Variants in DLC1 observed in about 807,000 individuals in gnomAD.
DLC1 encodes rho GTPase-activating protein 7.
Under a neutral mutation model 140.3 loss-of-function variants are expected in DLC1, and 54 were observed. The ratio of observed to expected loss-of-function variants is 0.38; its 90% CI spans 0.31 to 0.48. The LOEUF (loss-of-function observed/expected upper bound fraction) is 0.48, where lower values mean the gene tolerates loss of function less well. Ranked by LOEUF, DLC1 falls within the 20% of genes least tolerant of loss-of-function variation. The probability of loss-of-function intolerance (pLI) is 0.96; values close to 1 mark genes in which losing one functional copy is unlikely to be tolerated. For missense variants in DLC1, 2,536 were observed against 1,907.0 expected, an observed-to-expected ratio of 1.33 and a Z score of -6.14; for synonymous variants, 986 against 728.1, an observed-to-expected ratio of 1.35 and a Z score of -5.70.
chr8:13,555,502 A>AT (rs1445375647), intron 1 of DLC1, among the ~76,000 whole-genome samples: 1 of 151,644 alleles, frequency 6.6e-6, no homozygotes, highest in Non-Finnish European at 1.5e-5. Context: ...TAAATTTTTT[A>AT]TTTTTTTGAG....
intron 5 of DLC1, among the ~76,000 whole-genome samples, chr8:13,174,970 G>A (rs900802989): frequency 6.6e-6 from 1 of 152,058 alleles, no homozygotes; most frequent in African/African-American, 2.4e-5. Flanking sequence ...TATTTCCTAG[G>A]TTTTCTTCTA....
At position 13,100,712 on chromosome 8, in the gene DLC1, C is replaced by G; in HGVS notation, c.1625G>C (p.Arg542Thr). 1 of 1,608,146 alleles carries G rather than the reference C, an allele frequency of 6.2e-7. No individual in the cohort carries two copies. Among genetic ancestry groups the G allele is most frequent in the Non-Finnish European group, 8.5e-7 (1 of 1,177,506 alleles). Residue 542 changes from arginine to threonine, a missense_variant, in exon 9 of 18, where the codon AGG (arginine) becomes ACG (threonine). Physicochemically the swap from Arg to Thr is moderately conservative, Grantham distance 71 (BLOSUM62 -1). Coordinates refer to ENST00000276297, the MANE Select transcript of DLC1 (RefSeq NM_182643.3). ...AAGCCGGGACCACCTCTTGCTGTCC[C>G]TTTGGAAAGTCCATTTGCCACTGAT... is the stretch of plus-strand genomic sequence containing the variant. ...CAISGKWTFQRDSKRWSRLEE... is the reference protein window; with the variant it reads ...CAISGKWTFQTDSKRWSRLEE...
Position 13,500,045 on chromosome 8 carries a change from G to C in DLC1, c.27C>G (p.Ser9Arg), listed in dbSNP as rs764783683. MSVAIRKR[S>R]WEEHVTHWMG... ...TCCAGTGGGTCACATGTTCTTCCCA[G>C]CTTCTCTTTCTGATAGCTACAGACA... is the stretch of plus-strand genomic sequence containing the variant. Residue 9 changes from serine to arginine, a missense_variant, in exon 2 of 18, where the codon AGC becomes AGG. Coordinates refer to ENST00000276297, the MANE Select transcript of DLC1 (RefSeq NM_182643.3). 2 of 1,613,848 alleles carry C rather than the reference G, an allele frequency of 1.2e-6. No individual in the cohort carries two copies. Among genetic ancestry groups the C allele is most frequent in the South Asian group, 1.1e-5 (1 of 91,076 alleles).
chr8:13,559,150 G>T (rs1331880612), intron 1 of DLC1: 1 of 152,222 alleles, frequency 6.6e-6, no homozygotes, highest in Non-Finnish European at 1.5e-5. Flanking sequence ...AAGAGTTCTG[G>T]TCAGTGCGAT....
At chr8:13,357,102 C>A (rs1484353087) in intron 4 of DLC1, among the ~76,000 whole-genome samples, 1 of 152,064 alleles carries the variant, frequency 6.6e-6, no homozygotes, top group African/African-American at 2.4e-5. Flanking sequence ...AACCCCATTT[C>A]TACTAAAAAT....
intron 1 of DLC1, among the ~76,000 whole-genome samples, chr8:13,592,294 G>C (rs1360267602): frequency 2.0e-5 from 3 of 151,984 alleles, no homozygotes; most frequent in Non-Finnish European, 4.4e-5. Context: ...TGAACTATAA[G>C]ATCTTACCAT....
At chr8:13,597,242 T>C (rs757927815) in intron 1 of DLC1, among the ~76,000 whole-genome samples, 5 of 152,050 alleles carry the variant, frequency 3.3e-5, no homozygotes, top group Non-Finnish European at 7.4e-5. Flanking sequence ...GATAGATTTG[T>C]CAGCTTATAT....
chr8:13,509,269 C>T (rs1364062540), intron 1 of DLC1, among the ~76,000 whole-genome samples: 1 of 152,150 alleles, frequency 6.6e-6, no homozygotes, highest in Non-Finnish European at 1.5e-5. Context: ...CTACATCAAC[C>T]CAGGTGCTCA....
intron 2 of DLC1, among the ~76,000 whole-genome samples, chr8:13,474,180 C>G (rs1800336976): frequency 6.6e-6 from 1 of 152,150 alleles, no homozygotes; most frequent in African/African-American, 2.4e-5. Flanking sequence ...GATTTGGTGG[C>G]CTGTGTCCCA....
At chr8:13,249,818 C>T (rs925806577) in intron 5 of DLC1, among the ~76,000 whole-genome samples, 1 of 152,174 alleles carries the variant, frequency 6.6e-6, no homozygotes, top group Non-Finnish European at 1.5e-5. Flanking sequence ...CCCCATTGAT[C>T]CTTCTTTTTC....
At position 13,213,310 on chromosome 8, in the gene DLC1, C is replaced by A. The variant is rs1228014100; in HGVS notation, c.1348+91959G>T. ...GTTGTGCATTATACACCTCTGTGGG[C>A]ACTATTGTCACCTATAATACACTTT... On this transcript the variant is annotated intron_variant, in intron 5 of 17. Coordinates refer to ENST00000276297, the MANE Select transcript of DLC1 (RefSeq NM_182643.3). 3.3e-5 allele frequency among the ~76,000 whole-genome samples: 5 copies of A among 152,104 alleles called. No individual in the cohort carries two copies. The East Asian group carries it at 7.7e-4, about 23-fold the overall frequency.
At chr8:13,171,357 C>T (rs1825467034) in intron 5 of DLC1, among the ~76,000 whole-genome samples, 1 of 152,144 alleles carries the variant, frequency 6.6e-6, no homozygotes, top group Admixed American at 6.5e-5. Flanking sequence ...ACCGAAATAA[C>T]TCACTGAGAT....
intron 1 of DLC1, among the ~76,000 whole-genome samples, chr8:13,537,705 A>G (rs113491474): frequency 0.024 from 3,352 of 139,330 alleles, 80 homozygotes; most frequent in Non-Finnish European, 0.035. Context: ...CCAGGCTAGA[A>G]TGCAGTGGCG....
chr8:13,182,590 T>C (rs1469776182), intron 5 of DLC1, among the ~76,000 whole-genome samples: 1 of 152,218 alleles, frequency 6.6e-6, no homozygotes, highest in African/African-American at 2.4e-5. Flanking sequence ...CTTTTCCCCA[T>C]TTCTTGTTTT....
chr8:13,572,280 G>A (rs1265074807), intron 1 of DLC1, among the ~76,000 whole-genome samples: 2 of 151,788 alleles, frequency 1.3e-5, no homozygotes, highest in African/African-American at 2.4e-5. Flanking sequence ...TAGTAGAGAC[G>A]GGGTTTCACC....
At chr8:13,087,311 A>G (rs1817648625) in intron 16 of DLC1, among the ~76,000 whole-genome samples, 1 of 152,192 alleles carries the variant, frequency 6.6e-6, no homozygotes, top group African/African-American at 2.4e-5. Context: ...CTGAGGGGGG[A>G]GGATTGCTTG....
intron 2 of DLC1, among the ~76,000 whole-genome samples, chr8:13,440,917 G>A (rs1344873328): frequency 5.3e-5 from 8 of 151,952 alleles, no homozygotes; most frequent in South Asian, 2.1e-4. Flanking sequence ...TCTTCTTCCC[G>A]GTCTCGTGTG....
upstream of DLC1, among the ~76,000 whole-genome samples, chr8:13,516,233 T>C (rs564324485): frequency 6.6e-6 from 1 of 152,336 alleles, no homozygotes; most frequent in African/African-American, 2.4e-5. Flanking sequence ...CTAGAAGCTT[T>C]CAATAATAGG....
chr8:13,452,650 T>C (rs946333760), intron 2 of DLC1, among the ~76,000 whole-genome samples: 7 of 152,202 alleles, frequency 4.6e-5, no homozygotes, highest in Admixed American at 1.3e-4. Context: ...AGAATTAAAA[T>C]ATGTTTTTGC....
Sources: gnomAD v4.1 joint callset for allele counts (sites outside exome capture counted in the v4.1 genomes callset) on GRCh38, gnomAD v4.1.1 for gene constraint, MANE v1.5 for transcripts, NCBI Gene and HGNC (gene_info 2026-07-23, HGNC 2026-07-21) for gene names.